The following ABCB1 variants were observed in gnomAD, a reference collection of about 807,000 sequenced individuals.
The protein encoded by ABCB1 is ATP-dependent translocase ABCB1.
In ABCB1, 69 loss-of-function variants were observed where a neutral mutation model predicts 142.0. The ratio of observed to expected loss-of-function variants is 0.49; its 90% CI spans 0.40 to 0.59. The LOEUF (loss-of-function observed/expected upper bound fraction) is 0.59. ABCB1 is among the 20% of genes least tolerant of loss of function. ABCB1 has a pLI of 0.00. For synonymous variants in ABCB1, 532 were observed against 539.2 expected (o/e 0.99, Z 0.18); for missense variants, 1,326 against 1,554.7 (o/e 0.85, Z 2.47).
intron 15 of ABCB1, 51 bp from the exon 16 acceptor site, chr7:87,545,050 A>G (rs1002772227): frequency 1.0e-5 from 16 of 1,535,068 alleles, no homozygotes; most frequent in East Asian, 4.5e-5. Flanking sequence ...GTGTTAACCA[A>G]TGAAAGCTAA....
At position 87,561,150 on chromosome 7, in the gene ABCB1, T is replaced by C. The variant is rs1233240788; in HGVS notation, c.827+113A>G. 3.1e-6 allele frequency: 4 copies of C among 1,278,256 alleles called. No homozygotes were observed. The African/African-American group carries it at 4.5e-5, about 14-fold the overall frequency. 79.2% of individuals were successfully genotyped at this position (1,278,256 alleles called of 1,614,324 possible). ...ATGCTGTAATACATCCATTAAGCTA[T>C]TTAAGAAAACATATATATGGGAGAA... On this transcript the variant is annotated intron_variant, in intron 8 of 27. Coordinates refer to ENST00000622132, the MANE Select transcript of ABCB1 (RefSeq NM_001348946.2).
At chr7:87,580,945 T>A (rs1003849549) in intron 4 of ABCB1, among the ~76,000 whole-genome samples, 1 of 151,980 alleles carries the variant, frequency 6.6e-6, no homozygotes, top group Non-Finnish European at 1.5e-5. Flanking sequence ...CTTAATATAA[T>A]GTTAAAACCA....
chr7:87,526,603 A>C (rs1815793953), intron 21 of ABCB1, among the ~76,000 whole-genome samples: 1 of 152,084 alleles, frequency 6.6e-6, no homozygotes, highest in Non-Finnish European at 1.5e-5. Flanking sequence ...CAAGCAGACC[A>C]CTTCAATACC....
chr7:87,595,514 T>C (rs1313289303), intron 3 of ABCB1, among the ~76,000 whole-genome samples: 1 of 152,120 alleles, frequency 6.6e-6, no homozygotes, highest in Non-Finnish European at 1.5e-5. Flanking sequence ...GTGTAGGTAA[T>C]GGATCACTGG....
chr7:87,613,257 C>CTTTTTTTTTTTT (rs67823385), intron 1 of ABCB1, among the ~76,000 whole-genome samples: 35 of 64,200 alleles, frequency 5.5e-4, no homozygotes, highest in South Asian at 7.8e-4. Context: ...TCCTTTATTT[C>CTTTTTTTTTTTT]TTTTTTTTTT....
At chr7:87,522,442 A>T (rs1815557821) in intron 21 of ABCB1, 1 of 598,268 alleles carries the variant, frequency 1.7e-6, no homozygotes, top group East Asian at 3.7e-5. Flanking sequence ...AAATCTTAGC[A>T]GGAGATAAGA....
intron 1 of ABCB1, among the ~76,000 whole-genome samples, chr7:87,652,934 G>A (rs1823730214): frequency 6.6e-6 from 1 of 151,844 alleles, no homozygotes; most frequent in Non-Finnish European, 1.5e-5. Context: ...TATTTTTGAA[G>A]TAAAAGGACA....
intron 1 of ABCB1, among the ~76,000 whole-genome samples, chr7:87,690,601 G>A (rs1827918367): frequency 6.6e-6 from 1 of 152,118 alleles, no homozygotes; most frequent in Non-Finnish European, 1.5e-5. Context: ...ATAAAAGATA[G>A]TCTCATTGTT....
At chr7:87,640,052 T>C (rs1011829818) in intron 1 of ABCB1, among the ~76,000 whole-genome samples, 1 of 150,916 alleles carries the variant, frequency 6.6e-6, no homozygotes, top group African/African-American at 2.4e-5. Context: ...TCTTTATATA[T>C]GTTTATATAT....
intron 21 of ABCB1, chr7:87,522,329 G>C: frequency 1.3e-6 from 1 of 747,376 alleles, no homozygotes; most frequent in South Asian, 1.3e-5. Context: ...TGCTGGTACA[G>C]GCCAGTACTT....
Position 87,629,124 on chromosome 7 carries a change from C to G in ABCB1, c.-330-28046G>C, listed in dbSNP as rs1034010285. The G allele has an allele frequency of 8.3e-6, 4 of 483,278 alleles. No individual in the cohort carries two copies. In the South Asian group the frequency reaches 4.6e-4, roughly 56 times the overall value. 29.9% of individuals were successfully genotyped at this position (483,278 alleles called of 1,614,324 possible). On this transcript the variant is annotated intron_variant, in intron 1 of 28. Transcript: ENST00000265724. ...TGGACAGGGGCCCGGGTCTGGACACCGTCGCAGCCCTGGACTTTGTGTCAG... is the reference window on the plus strand; with the variant it reads ...TGGACAGGGGCCCGGGTCTGGACACGGTCGCAGCCCTGGACTTTGTGTCAG...
At chr7:87,606,837 A>G (rs1391155477) in intron 1 of ABCB1, among the ~76,000 whole-genome samples, 2 of 152,080 alleles carry the variant, frequency 1.3e-5, no homozygotes, top group East Asian at 3.8e-4. Flanking sequence ...TATTTTTTAT[A>G]AAAGTTTGGA....
intron 1 of ABCB1, among the ~76,000 whole-genome samples, chr7:87,618,363 T>C (rs1820095904): frequency 1.3e-5 from 2 of 152,312 alleles, no homozygotes; most frequent in Non-Finnish European, 2.9e-5. Flanking sequence ...TGTCACTTAA[T>C]GGGCAACTAA....
intron 22 of ABCB1, 146 bp downstream of exon 22, chr7:87,520,630 C>A (rs1481265339): frequency 5.4e-6 from 4 of 736,336 alleles, no homozygotes; most frequent in Non-Finnish European, 9.6e-6. Context: ...TTCTCTCCTG[C>A]ATAATTACAA....
intron 2 of ABCB1, among the ~76,000 whole-genome samples, chr7:87,597,625 C>A (rs1209758451): frequency 6.6e-6 from 1 of 151,982 alleles, no homozygotes; most frequent in Non-Finnish European, 1.5e-5. Context: ...GTACATAATT[C>A]TTTAAGCTAT....
intron 1 of ABCB1, among the ~76,000 whole-genome samples, chr7:87,648,308 T>G (rs1457545782): frequency 6.6e-6 from 1 of 152,064 alleles, no homozygotes; most frequent in East Asian, 1.9e-4. Flanking sequence ...TTTCTCCTGT[T>G]TAAGAGAATC....
chr7:87,684,023 A>G (rs947367045), intron 1 of ABCB1, among the ~76,000 whole-genome samples: 1 of 152,230 alleles, frequency 6.6e-6, no homozygotes, highest in Non-Finnish European at 1.5e-5. Flanking sequence ...TTATTAGCAG[A>G]CTAAAGAATA....
At chr7:87,671,161 G>A (rs1339158589) in intron 1 of ABCB1, among the ~76,000 whole-genome samples, 1 of 152,202 alleles carries the variant, frequency 6.6e-6, no homozygotes, top group East Asian at 1.9e-4. Flanking sequence ...TCCCTGTCTA[G>A]TCACAAGCAC....
At chr7:87,669,040 C>A (rs1477590636) in intron 1 of ABCB1, among the ~76,000 whole-genome samples, 1 of 126,640 alleles carries the variant, frequency 7.9e-6, no homozygotes, top group African/African-American at 3.0e-5. Flanking sequence ...TGTTAATTGT[C>A]TGCCTCAATG....
Sources: gnomAD v4.1 joint callset for allele counts (sites outside exome capture counted in the v4.1 genomes callset) on GRCh38, gnomAD v4.1.1 for gene constraint, MANE v1.5 for transcripts, NCBI Gene and HGNC (gene_info 2026-07-23, HGNC 2026-07-21) for gene names.